The following TOPBP1 variants were observed in gnomAD, a reference collection of about 807,000 sequenced individuals.
TOPBP1 encodes the protein DNA topoisomerase 2-binding protein 1.
TOPBP1 carries 28 observed loss-of-function variants against 167.7 expected under a neutral mutation model. That is an observed-to-expected ratio of 0.17 (90% CI 0.12 to 0.23). The LOEUF (loss-of-function observed/expected upper bound fraction) is 0.23, where lower values mean the gene tolerates loss of function less well. Among genes scored for constraint, TOPBP1 ranks in the 10% least tolerant of loss-of-function variants. The probability of loss-of-function intolerance (pLI) is 1.00; values close to 1 mark genes in which losing one functional copy is unlikely to be tolerated. For synonymous variants in TOPBP1, 598 were observed against 611.4 expected (o/e 0.98, Z 0.32); for missense variants, 1,554 against 1,809.6 (o/e 0.86, Z 2.56).
At chr3:133,635,875 A>C (rs1417201287) in intron 14 of TOPBP1, among the ~76,000 whole-genome samples, 2 of 152,226 alleles carry the variant, frequency 1.3e-5, no homozygotes, top group African/African-American at 4.8e-5. Flanking sequence ...ACTAGTAACC[A>C]ACTAAATGCC....
intron 2 of TOPBP1, 108 bp from the exon 3 acceptor site, chr3:133,659,258 C>G: frequency 7.8e-6 from 9 of 1,160,696 alleles, no homozygotes; most frequent in Non-Finnish European, 1.1e-5. Context: ...AAGCCACCAT[C>G]ACATCTCACT....
At chr3:133,613,685 A>C (rs569607680) in intron 23 of TOPBP1, among the ~76,000 whole-genome samples, 3 of 152,320 alleles carry the variant, frequency 2.0e-5, no homozygotes, top group South Asian at 2.1e-4. Context: ...GGAAAGAAGA[A>C]GGCATAAGTA....
At chr3:133,656,462 T>C (rs1190212431) in intron 5 of TOPBP1, among the ~76,000 whole-genome samples, 1 of 152,230 alleles carries the variant, frequency 6.6e-6, no homozygotes, top group Non-Finnish European at 1.5e-5. Context: ...TCCTACTCTG[T>C]AGCTAATGCT....
rs1380899146 is a variant in TOPBP1, at chr3:133,649,376, T to TA, written c.1504+6_1504+7insT. On this transcript the variant is annotated splice_region_variant and intron_variant, in intron 10 of 27. Transcript: ENST00000260810. ...CTAACTACAAATACTAATCAAGCAT[T>TA]TCTTACCTACTGTGGAGCTACCATT... 1 of 1,610,618 alleles carries TA rather than the reference T, an allele frequency of 6.2e-7. No homozygotes were observed. The highest frequency in any genetic ancestry group is 1.7e-5 in the Admixed American group (1 of 59,580).
intron 14 of TOPBP1, among the ~76,000 whole-genome samples, chr3:133,629,601 C>T (rs912912454): frequency 6.6e-6 from 1 of 152,240 alleles, no homozygotes; most frequent in Non-Finnish European, 1.5e-5. Context: ...CATGTATCTA[C>T]CAATGTTGAC....
At chr3:133,602,737 T>G (rs1167712844) in intron 27 of TOPBP1, among the ~76,000 whole-genome samples, 1 of 152,126 alleles carries the variant, frequency 6.6e-6, no homozygotes, top group African/African-American at 2.4e-5. Context: ...AGAAAATACA[T>G]AAATGAATGA....
At chr3:133,615,255 A>G (rs1200990661) in intron 23 of TOPBP1, among the ~76,000 whole-genome samples, 1 of 152,158 alleles carries the variant, frequency 6.6e-6, no homozygotes, top group Non-Finnish European at 1.5e-5. Flanking sequence ...GGATCATCTG[A>G]GGTCAGCAGT....
chr3:133,610,943 A>T, intron 25 of TOPBP1, 61 bp downstream of exon 25: 1 of 1,419,832 alleles, frequency 7.0e-7, no homozygotes, highest in Non-Finnish European at 9.3e-7. Context: ...TTTAAAAAAA[A>T]TGTGAAAGAG....
At chr3:133,601,905 A>C (rs1408591882) in intron 27 of TOPBP1, among the ~76,000 whole-genome samples, 1 of 152,210 alleles carries the variant, frequency 6.6e-6, no homozygotes, top group Non-Finnish European at 1.5e-5. Context: ...ATACCAAGTA[A>C]GTGCCTTTTG....
At chr3:133,617,699 T>A (rs1193573002) in intron 21 of TOPBP1, among the ~76,000 whole-genome samples, 3 of 151,860 alleles carry the variant, frequency 2.0e-5, no homozygotes, top group Admixed American at 6.6e-5. Flanking sequence ...ATATATCTAA[T>A]GGGAGGTCAT....
At chr3:133,651,756 A>C (rs1463011982) in intron 8 of TOPBP1, among the ~76,000 whole-genome samples, 1 of 152,182 alleles carries the variant, frequency 6.6e-6, no homozygotes, top group Non-Finnish European at 1.5e-5. Flanking sequence ...CTGGCCACTT[A>C]ATGTCTCTCT....
At chr3:133,610,351 C>A (rs893472800) in intron 25 of TOPBP1, among the ~76,000 whole-genome samples, 18 of 152,134 alleles carry the variant, frequency 1.2e-4, no homozygotes, top group Non-Finnish European at 2.1e-4. Flanking sequence ...CATTAATACA[C>A]AGAAGTTTGT....
intron 10 of TOPBP1, among the ~76,000 whole-genome samples, chr3:133,646,823 A>T (rs905230623): frequency 2.6e-5 from 4 of 152,186 alleles, no homozygotes; most frequent in Non-Finnish European, 4.4e-5. Context: ...CCTCTCTAGA[A>T]ATATGGTGGG....
At position 133,638,122 on chromosome 3, in the gene TOPBP1, T is replaced by C; in HGVS notation, c.2274A>G (p.Leu758=). 6.2e-7 allele frequency: 1 copy of C among 1,614,006 alleles called. No individual in the cohort carries two copies. Among genetic ancestry groups the C allele is most frequent in the South Asian group, 1.1e-5 (1 of 91,088 alleles). Residue 758 remains leucine (L), a synonymous_variant, in exon 14 of 28, where the codon CTA becomes CTG. Transcript: ENST00000260810. The part of the protein sequence containing the change: ...LETEITNGIN[L]NSDTAEHPGT... The stretch of plus-strand genomic sequence containing the variant: ...CAGGATGCTCTGCAGTATCTGAATT[T>C]AGATTGATTCCATTTGTTATTTCTG...
chr3:133,630,645 C>G (rs753978755), intron 14 of TOPBP1, among the ~76,000 whole-genome samples: 1 of 151,876 alleles, frequency 6.6e-6, no homozygotes, highest in African/African-American at 2.4e-5. Context: ...TTGCCCAGAA[C>G]GGACTGAAGT....
intron 14 of TOPBP1, among the ~76,000 whole-genome samples, chr3:133,632,278 G>A (rs764413886): frequency 4.6e-5 from 7 of 151,878 alleles, no homozygotes; most frequent in Admixed American, 6.6e-5. Context: ...GGGGGTAGGC[G>A]CCTGTAATCC....
intron 13 of TOPBP1, among the ~76,000 whole-genome samples, chr3:133,639,156 G>A (rs1935799025): frequency 6.6e-6 from 1 of 152,134 alleles, no homozygotes; most frequent in Non-Finnish European, 1.5e-5. Context: ...AAAGACACAT[G>A]TACACATATG....
chr3:133,653,397 T>C lies in TOPBP1; in HGVS notation c.870A>G (p.Ala290=). The C allele has an allele frequency of 1.2e-6, 2 of 1,612,538 alleles. No homozygotes were observed. Among genetic ancestry groups the C allele is most frequent in the Non-Finnish European group, 1.7e-6 (2 of 1,179,484 alleles). Residue 290 remains alanine (A), a synonymous_variant, in exon 7 of 28, where the codon GCA becomes GCG. Transcript: ENST00000260810. ...SIYKTEPRPE[A]KTMPNSSTPT... ...GAGTTGAAGAATTGGGCATAGTCTT[T>C]GCTTCTGGTCTAGGTTCTGTCTTGT...
intron 19 of TOPBP1, among the ~76,000 whole-genome samples, 152 bp downstream of exon 19, chr3:133,622,939 A>G (rs1017455562): frequency 3.3e-5 from 5 of 152,208 alleles, no homozygotes; most frequent in African/African-American, 1.2e-4. Flanking sequence ...AACATATTTT[A>G]CAGCTGGGTG....
Sources: allele counts gnomAD v4.1 joint callset (sites outside exome capture counted in the v4.1 genomes callset), GRCh38; gene constraint gnomAD v4.1.1; transcripts MANE v1.5; gene names NCBI Gene and HGNC (gene_info 2026-07-23, HGNC 2026-07-21).